Variants in VAV2 observed in about 807,000 individuals in gnomAD.
VAV2 encodes the protein guanine nucleotide exchange factor VAV2.
A neutral mutation model predicts 132.5 loss-of-function variants in VAV2; 67 were observed. The observed-to-expected ratio is 0.51, with a 90% CI of 0.42 to 0.62. The LOEUF (loss-of-function observed/expected upper bound fraction) is 0.62, where lower values mean the gene tolerates loss of function less well. Ranked by LOEUF, VAV2 falls within the 20% of genes least tolerant of loss-of-function variation. The pLI is 0.00. For synonymous variants in VAV2, 492 were observed against 443.5 expected, an observed-to-expected ratio of 1.11 and a Z score of -1.37; for missense variants, 938 against 1,153.6, an observed-to-expected ratio of 0.81 and a Z score of 2.71.
At position 133,840,865 on chromosome 9, in the gene VAV2, G is replaced by C. The variant is rs1278170040; in HGVS notation, c.381-6525C>G. ...ACCTGTGCCACTCACTGTGCCTACA[G>C]CTGCATGGTGGCCCCACAGTCCAGA... On this transcript the variant is annotated intron_variant, in intron 3 of 29. Coordinates refer to ENST00000371850, the MANE Select transcript of VAV2 (RefSeq NM_001134398.2). The surrounding 1 kb of genome is among the most constrained non-coding windows in gnomAD (Gnocchi z 4.5). Among the ~76,000 whole-genome samples the C allele has an allele frequency of 6.6e-6, 1 of 152,178 alleles. No individual in the cohort carries two copies. Among genetic ancestry groups the C allele is most frequent in the Non-Finnish European group, 1.5e-5 (1 of 68,030 alleles).
chr9:133,991,990 G>GCCGCTGCGACCT lies in VAV2; in HGVS notation c.204+73_204+84dup, dbSNP rs1167027043. 5 of 1,169,582 alleles carry GCCGCTGCGACCT rather than the reference G, an allele frequency of 4.3e-6. No individual in the cohort carries two copies. Among genetic ancestry groups the GCCGCTGCGACCT allele is most frequent in the Non-Finnish European group, 5.4e-6 (5 of 931,714 alleles). The allele number at this position is 1,169,582 out of a possible 1,614,324, so 72.5% of individuals were successfully genotyped here. A position where few individuals can be genotyped will look rare whatever the true frequency, so the allele number is the denominator to read the frequency against. On this transcript the variant is annotated intron_variant, in intron 1 of 29. Transcript: ENST00000371850. The surrounding 1 kb of genome is among the most constrained non-coding windows in gnomAD (Gnocchi z 4.8). ...CCCCAGCCAGGGCGCCTGGGCCGCCGCCGCTGCGACCTCCGCGTTCAGTCC... is the reference window on the plus strand; with the variant it reads ...CCCCAGCCAGGGCGCCTGGGCCGCCGCCGCTGCGACCTCCGCTGCGACCTCCGCGTTCAGTCC...
intron 1 of VAV2, among the ~76,000 whole-genome samples, chr9:133,973,149 G>A (rs1477350164): frequency 6.6e-6 from 1 of 151,992 alleles, no homozygotes; most frequent in East Asian, 1.9e-4. Context: ...AAGGTCCATG[G>A]GCACAGGGGA....
At chr9:133,819,950 T>A (rs572799917) in intron 4 of VAV2, among the ~76,000 whole-genome samples, 26 of 152,348 alleles carry the variant, frequency 1.7e-4, no homozygotes, top group Admixed American at 7.2e-4. Context: ...AAAACAATGT[T>A]AATAATATAA....
At position 133,794,414 on chromosome 9, in the gene VAV2, T is replaced by C. The variant is rs1309824620; in HGVS notation, c.1101+1254A>G. 6.6e-6 allele frequency among the ~76,000 whole-genome samples: 1 copy of C among 152,028 alleles called. No homozygotes were observed. Among genetic ancestry groups the C allele is most frequent in the East Asian group, 1.9e-4 (1 of 5,174 alleles). ...TGCCCACACACGAGTGCCCACAGGA[T>C]TTGGAGTAAATTTCTCCCCGAGCAC... On this transcript the variant is annotated intron_variant, in intron 12 of 29. Transcript: ENST00000371850. The surrounding 1 kb of genome is among the most constrained non-coding windows in gnomAD (Gnocchi z 4.6).
At chr9:133,796,995 T>C (rs2131637485) in intron 10 of VAV2, among the ~76,000 whole-genome samples, 1 of 152,272 alleles carries the variant, frequency 6.6e-6, no homozygotes, top group South Asian at 2.1e-4. Context: ...CATTCCCCCA[T>C]TCATTGACTG....
At chr9:133,806,449 G>A (rs989510530) in intron 8 of VAV2, among the ~76,000 whole-genome samples, 2 of 152,316 alleles carry the variant, frequency 1.3e-5, no homozygotes, top group African/African-American at 2.4e-5. Flanking sequence ...CGGCCGACTC[G>A]GGGCGGGCTC....
intron 15 of VAV2, among the ~76,000 whole-genome samples, chr9:133,787,806 TGGCCCCGCCCCAGCAGCCACA>T (rs1834288362): frequency 6.6e-6 from 1 of 150,540 alleles, no homozygotes; most frequent in South Asian, 2.1e-4. Flanking sequence ...TCTGCAGTCC[TGGCCCCGCCCCAGCAGCCACA>T]GGCCCCACCC....
Position 133,879,525 on chromosome 9 carries a change from G to T in VAV2, c.322-18093C>A, listed in dbSNP as rs149524205. Among the ~76,000 whole-genome samples the T allele has an allele frequency of 6.3e-4, 96 of 152,244 alleles. No homozygotes were observed. The highest frequency in any genetic ancestry group is 2.1e-3 in the African/African-American group (88 of 41,548). ...GGCAAGCCTCCTATAAGAAGGCATC[G>T]ATCAGTAGGTGGCCCCGGGGCACTG... On this transcript the variant is annotated intron_variant, in intron 2 of 29. Transcript: ENST00000371850. This position sits in a 1 kb window ranked among gnomAD's most constrained non-coding sequence, Gnocchi z 4.4.
intron 2 of VAV2, among the ~76,000 whole-genome samples, chr9:133,930,105 G>A (rs1044431736): frequency 1.1e-4 from 17 of 152,314 alleles, no homozygotes; most frequent in African/African-American, 3.4e-4. Context: ...CACCGACACC[G>A]GTGGTCATTG....
chr9:133,816,338 T>C (rs1170795053), intron 4 of VAV2, among the ~76,000 whole-genome samples: 2 of 152,240 alleles, frequency 1.3e-5, no homozygotes, highest in African/African-American at 4.8e-5. Flanking sequence ...TTTATCACCT[T>C]TCCTTAGTCG....
intron 2 of VAV2, among the ~76,000 whole-genome samples, chr9:133,900,636 A>G (rs1839402013): frequency 6.6e-6 from 1 of 152,000 alleles, no homozygotes; most frequent in Admixed American, 6.5e-5. Context: ...CTGCCTGCCC[A>G]TGCTTTGTGG....
rs1227974806 is a variant in VAV2 at position 133,980,920 on chromosome 9, A to G, written c.204+11155T>C. Among the ~76,000 whole-genome samples the G allele has an allele frequency of 7.3e-3, 1,108 of 152,252 alleles. 13 individuals are homozygous for G. Among genetic ancestry groups the G allele is most frequent in the African/African-American group, 0.025 (1,036 of 41,530 alleles). ...CTGTCTCCAACCCTTAGCTACCAAA[A>G]GCCATCTACTTTTCAGGGCATCTCA... is the stretch of plus-strand genomic sequence containing the variant. On this transcript the variant is annotated intron_variant, in intron 1 of 29. Transcript: ENST00000371850.
intron 2 of VAV2, among the ~76,000 whole-genome samples, chr9:133,914,910 G>A (rs1483055544): frequency 9.6e-6 from 1 of 104,588 alleles, no homozygotes; most frequent in Non-Finnish European, 2.0e-5. Context: ...TTTGGAACAG[G>A]TGAATGTGAC....
chr9:133,837,377 A>G (rs1424521683), intron 3 of VAV2, among the ~76,000 whole-genome samples: 1 of 152,192 alleles, frequency 6.6e-6, no homozygotes, highest in Non-Finnish European at 1.5e-5. Context: ...AGTGCCCACT[A>G]AAATAAGGCA....
rs1007725573 is a variant in VAV2, at chr9:133,794,319, G to A, written c.1101+1349C>T. Among the ~76,000 whole-genome samples the A allele has an allele frequency of 2.0e-5, 3 of 152,066 alleles. No homozygotes were observed. The highest frequency in any genetic ancestry group is 4.4e-5 in the Non-Finnish European group (3 of 68,014). ...CGTCATGGCAGGAGGCTTTCCTGGAGCATTCCTCAGGGTGCTCGCTGCCCA... is the reference window on the plus strand; with the variant it reads ...CGTCATGGCAGGAGGCTTTCCTGGAACATTCCTCAGGGTGCTCGCTGCCCA... On this transcript the variant is annotated intron_variant, in intron 12 of 29. Coordinates refer to ENST00000371850, the MANE Select transcript of VAV2 (RefSeq NM_001134398.2). The surrounding 1 kb of genome is among the most constrained non-coding windows in gnomAD (Gnocchi z 4.6).
Position 133,824,725 on chromosome 9 carries a change from C to A in VAV2, c.449+9547G>T, listed in dbSNP as rs1264898670. Among the ~76,000 whole-genome samples the A allele has an allele frequency of 2.6e-5, 4 of 152,112 alleles. No homozygotes were observed. The highest frequency in any genetic ancestry group is 5.9e-5 in the Non-Finnish European group (4 of 67,998). ...TGTGGGGCAGGGAGGGCTCCTTTAG[C>A]CACCCCTGGGGTTAGGGAGGGGTGG... On this transcript the variant is annotated intron_variant, in intron 4 of 29. Coordinates refer to ENST00000371850, the MANE Select transcript of VAV2 (RefSeq NM_001134398.2). This position sits in a 1 kb window ranked among gnomAD's most constrained non-coding sequence, Gnocchi z 5.2.
Position 133,979,846 on chromosome 9 carries a change from A to G in VAV2, c.204+12229T>C, listed in dbSNP as rs940324231. On this transcript the variant is annotated intron_variant, in intron 1 of 29. Coordinates refer to ENST00000371850, the MANE Select transcript of VAV2 (RefSeq NM_001134398.2). ...CAGCTGCGCACCCCACCGCCCTGTCACCTCATCAGGGAGCCTGCCGGCGTC... is the reference window on the plus strand; with the variant it reads ...CAGCTGCGCACCCCACCGCCCTGTCGCCTCATCAGGGAGCCTGCCGGCGTC... Among the ~76,000 whole-genome samples, 29 of 152,118 alleles carry G rather than the reference A, an allele frequency of 1.9e-4. 2 individuals are homozygous for G. The highest frequency in any genetic ancestry group is 1.7e-3 in the Admixed American group (26 of 15,284).
At chr9:133,777,601 G>T in intron 22 of VAV2, 138 bp from the exon 23 acceptor site, 1 of 821,118 alleles carries the variant, frequency 1.2e-6, no homozygotes, top group South Asian at 1.6e-5. Flanking sequence ...CCCAACCTCA[G>T]CTGACCCGGC....
intron 1 of VAV2, among the ~76,000 whole-genome samples, chr9:133,983,003 T>A (rs1020685389): frequency 6.6e-6 from 1 of 152,174 alleles, no homozygotes; most frequent in African/African-American, 2.4e-5. Flanking sequence ...CGCTGGAACA[T>A]CTGCCGCCAC....
Sources: gnomAD v4.1 joint callset for allele counts (sites outside exome capture counted in the v4.1 genomes callset) on GRCh38, gnomAD v4.1.1 for gene constraint, Gnocchi (gnomAD v3.1) non-coding constraint, MANE v1.5 for transcripts, NCBI Gene and HGNC (gene_info 2026-07-23, HGNC 2026-07-21) for gene names.